The following MDGA2 variants were observed in gnomAD, a reference collection of about 807,000 sequenced individuals.
The protein encoded by MDGA2 is MAM domain containing glycosylphosphatidylinositol anchor 2, also known as MAM domain-containing glycosylphosphatidylinositol anchor protein 2.
A neutral mutation model predicts 117.8 loss-of-function variants in MDGA2; 40 were observed. That is an observed-to-expected ratio of 0.34 (90% CI 0.26 to 0.44). The LOEUF (loss-of-function observed/expected upper bound fraction) is 0.44. MDGA2 is among the 20% of genes least tolerant of loss of function. MDGA2 has a pLI of 1.00. For missense variants in MDGA2, 1,123 were observed against 1,250.6 expected, an observed-to-expected ratio of 0.90 and a Z score of 1.54; for synonymous variants, 452 against 439.0, an observed-to-expected ratio of 1.03 and a Z score of -0.37.
At chr14:47,062,532 C>G (rs1001184510) in intron 6 of MDGA2, among the ~76,000 whole-genome samples, 1 of 151,196 alleles carries the variant, frequency 6.6e-6, no homozygotes, top group Admixed American at 6.6e-5. Flanking sequence ...TCCCCATTTC[C>G]CTCTCCTTTA....
At chr14:47,400,344 A>G (rs1892107859) in intron 1 of MDGA2, among the ~76,000 whole-genome samples, 1 of 151,936 alleles carries the variant, frequency 6.6e-6, no homozygotes, top group Non-Finnish European at 1.5e-5. Flanking sequence ...TTTTTTCTTT[A>G]TTGTTTTCTG....
rs1336924077 is a variant in MDGA2, at chr14:46,957,520, C to T, written c.1943G>A (p.Gly648Asp). Residue 648 changes from glycine (G) to aspartate (D), a missense_variant, in exon 9 of 17, where the codon GGC (glycine) becomes GAC (aspartate). This residue lies in a region of MDGA2 where 890 missense variants were observed against 1,050.3 expected (regional missense o/e 0.85). Transcript: ENST00000399232. ...TTGACCCGTCCGTAATAATTTATTG[C>T]CCAAGCGCCACTCATAGGTCAGCAC... is the stretch of plus-strand genomic sequence containing the variant. ...IRVLTYEWRLGNKLLRTGQFD... is the reference protein window; with the variant it reads ...IRVLTYEWRLDNKLLRTGQFD... The T allele has an allele frequency of 1.2e-6, 2 of 1,613,962 alleles. No homozygotes were observed. The highest frequency in any genetic ancestry group is 1.3e-5 in the African/African-American group (1 of 74,898).
chr14:47,405,128 T>G (rs2138472182), intron 1 of MDGA2, among the ~76,000 whole-genome samples: 1 of 152,344 alleles, frequency 6.6e-6, no homozygotes, highest in African/African-American at 2.4e-5. Context: ...TGCATTATGC[T>G]TATGTAAAAA....
chr14:47,314,344 C>T (rs759144929), intron 1 of MDGA2, among the ~76,000 whole-genome samples: 8 of 152,106 alleles, frequency 5.3e-5, no homozygotes, highest in Non-Finnish European at 8.8e-5. Context: ...AGTATGTACA[C>T]ATAAGAGTTC....
At chr14:47,582,998 G>T (rs1896257309) in intron 1 of MDGA2, among the ~76,000 whole-genome samples, 1 of 151,780 alleles carries the variant, frequency 6.6e-6, no homozygotes, top group Non-Finnish European at 1.5e-5. Flanking sequence ...ACACCAAATT[G>T]TAAAAGCTTA....
At chr14:47,104,737 C>A (rs1423138121) in intron 5 of MDGA2, among the ~76,000 whole-genome samples, 1 of 152,178 alleles carries the variant, frequency 6.6e-6, no homozygotes, top group East Asian at 1.9e-4. Context: ...CCCTGTCCTC[C>A]TGCTCTTTGC....
At chr14:47,434,306 T>G (rs1457865683) in intron 1 of MDGA2, among the ~76,000 whole-genome samples, 1 of 152,264 alleles carries the variant, frequency 6.6e-6, no homozygotes, top group South Asian at 2.1e-4. Flanking sequence ...AGTAATTTGT[T>G]ACTTATAGGT....
intron 1 of MDGA2, among the ~76,000 whole-genome samples, chr14:47,367,588 A>G (rs2138383687): frequency 6.6e-6 from 1 of 152,354 alleles, no homozygotes; most frequent in Admixed American, 6.5e-5. Context: ...ATAGAATGAT[A>G]GGCCATAAAC....
intron 8 of MDGA2, among the ~76,000 whole-genome samples, chr14:46,994,258 T>C (rs918517441): frequency 2.0e-5 from 3 of 152,272 alleles, no homozygotes; most frequent in East Asian, 1.9e-4. Context: ...CTGCCCTATA[T>C]GACTCTTCCT....
At chr14:47,494,148 TGA>T (rs1242712931) in intron 1 of MDGA2, among the ~76,000 whole-genome samples, 1 of 152,204 alleles carries the variant, frequency 6.6e-6, no homozygotes, top group Non-Finnish European at 1.5e-5. Flanking sequence ...GTAAGTTTCC[TGA>T]GGCTTCCCCA....
chr14:47,611,136 G>T (rs1229350983), intron 1 of MDGA2, among the ~76,000 whole-genome samples: 1 of 152,054 alleles, frequency 6.6e-6, no homozygotes, highest in African/African-American at 2.4e-5. Flanking sequence ...AAATGGTGCT[G>T]GGATAATTGG....
At chr14:47,093,479 T>C (rs1879789049) in intron 6 of MDGA2, among the ~76,000 whole-genome samples, 1 of 152,080 alleles carries the variant, frequency 6.6e-6, no homozygotes, top group Non-Finnish European at 1.5e-5. Flanking sequence ...TGGAAAGCAT[T>C]GAGCTCAGGG....
chr14:47,557,930 T>C (rs1158098997), intron 1 of MDGA2, among the ~76,000 whole-genome samples: 1 of 152,200 alleles, frequency 6.6e-6, no homozygotes, highest in African/African-American at 2.4e-5. Context: ...GATGGGTAAA[T>C]AGATTTTTGG....
rs1889567415 is a variant in MDGA2 at position 47,053,905 on chromosome 14, C to T, written c.1525+7344G>A. Among the ~76,000 whole-genome samples, 3 of 151,810 alleles carry T rather than the reference C, an allele frequency of 2.0e-5. No individual in the cohort carries two copies. In the Admixed American group the frequency reaches 2.0e-4, roughly 10 times the overall value. ...CACTATTTGGAAATCAGTTCTCCAG[C>T]TGATCCCATAATTCTATAGATGAAA... On this transcript the variant is annotated intron_variant, in intron 7 of 16. Coordinates refer to ENST00000399232, the MANE Select transcript of MDGA2 (RefSeq NM_001113498.3).
At chr14:46,899,896 ATAGTT>A (rs1256122452) in intron 10 of MDGA2, among the ~76,000 whole-genome samples, 1 of 152,130 alleles carries the variant, frequency 6.6e-6, no homozygotes, top group Non-Finnish European at 1.5e-5. Context: ...GAGTATCAGT[ATAGTT>A]TAAAAATTAC....
intron 9 of MDGA2, among the ~76,000 whole-genome samples, chr14:46,956,000 A>C (rs17117834): frequency 0.12 from 17,911 of 152,048 alleles, 2,006 homozygotes; most frequent in African/African-American, 0.27. Flanking sequence ...TTAGTAAATG[A>C]ACTAATTGGT....
chr14:47,009,086 C>T (rs918060802), intron 8 of MDGA2, among the ~76,000 whole-genome samples: 1 of 151,910 alleles, frequency 6.6e-6, no homozygotes, highest in African/African-American at 2.4e-5. Context: ...TTAAGCAGTG[C>T]AATGTAATGT....
At chr14:46,863,593 A>G (rs1258052159) in intron 14 of MDGA2, among the ~76,000 whole-genome samples, 2 of 152,178 alleles carry the variant, frequency 1.3e-5, no homozygotes, top group Non-Finnish European at 2.9e-5. Flanking sequence ...CTTACCATCA[A>G]TTCAATTGAT....
intron 10 of MDGA2, 30 bp from the exon 11 acceptor site, chr14:46,882,251 T>C (rs2138391460): frequency 1.3e-6 from 2 of 1,576,882 alleles, no homozygotes; most frequent in South Asian, 1.2e-5. Flanking sequence ...AGAATAATGT[T>C]CCCAGTATGT....
Sources: allele counts gnomAD v4.1 joint callset (sites outside exome capture counted in the v4.1 genomes callset), GRCh38; gene constraint gnomAD v4.1.1; regional missense constraint gnomAD v4.1.1; transcripts MANE v1.5; gene names NCBI Gene and HGNC (gene_info 2026-07-23, HGNC 2026-07-21).